The following SHISAL1 variants were observed in gnomAD, a reference collection of about 807,000 sequenced individuals.
The protein encoded by SHISAL1 is shisa like 1.
Under a neutral mutation model 22.6 loss-of-function variants are expected in SHISAL1, and 9 were observed. The observed-to-expected ratio is 0.40, with a 90% CI of 0.24 to 0.70. The LOEUF is 0.70. Ranked by LOEUF, SHISAL1 falls within the 30% of genes least tolerant of loss-of-function variation. The pLI, the probability that SHISAL1 is intolerant of heterozygous loss-of-function variation, is 0.39. For missense variants in SHISAL1, 246 were observed against 270.6 expected (o/e 0.91, Z 0.64); for synonymous variants, 119 against 115.4 (o/e 1.03, Z -0.20).
chr22:44,264,127 C>T (rs1455434711), intron 4 of SHISAL1, among the ~76,000 whole-genome samples: 1 of 152,220 alleles, frequency 6.6e-6, no homozygotes, highest in Non-Finnish European at 1.5e-5. Context: ...AAGATGGGAA[C>T]CTTCATCTTT....
At position 44,249,643 on chromosome 22, in the gene SHISAL1, C is replaced by T; in HGVS notation, c.*42G>A. The stretch of plus-strand genomic sequence containing the variant: ...TTCTCGGAGGCTGCACCGGGTGCTT[C>T]AGATCTCATCTCCCCCATCCTGAGG... On this transcript the variant is annotated 3_prime_UTR_variant, in exon 5 of 5. Transcript: ENST00000381176. 1 of 779,826 alleles carries T rather than the reference C, an allele frequency of 1.3e-6. No homozygotes were observed. Among genetic ancestry groups the T allele is most frequent in the Non-Finnish European group, 2.4e-6 (1 of 417,904 alleles). 48.3% of individuals were successfully genotyped at this position (779,826 alleles called of 1,614,324 possible).
At chr22:44,323,590 A>C in the SHISAL1 span, among the ~76,000 whole-genome samples, 1 of 135,142 alleles carries the variant, frequency 7.4e-6, no homozygotes, top group Non-Finnish European at 1.6e-5. Context: ...CACCTCACCC[A>C]CCCATTCATT....
the SHISAL1 span, among the ~76,000 whole-genome samples, chr22:44,327,240 GCACACA>G: frequency 0.18 from 26,455 of 144,666 alleles, 2,631 homozygotes; most frequent in South Asian, 0.24. Flanking sequence ...TGGGGGGCGC[GCACACA>G]CACACACACA....
intron 4 of SHISAL1, among the ~76,000 whole-genome samples, chr22:44,276,836 T>G (rs1601788364): frequency 6.9e-6 from 1 of 144,014 alleles, no homozygotes; most frequent in African/African-American, 2.8e-5. Flanking sequence ...CAGGGGTGGG[T>G]GGAAATGAGA....
At chr22:44,255,709 C>T (rs557264069) in intron 4 of SHISAL1, among the ~76,000 whole-genome samples, 1 of 152,330 alleles carries the variant, frequency 6.6e-6, no homozygotes, top group South Asian at 2.1e-4. Flanking sequence ...ATTACATCAC[C>T]CCTTTCCTCA....
At chr22:44,259,395 G>T (rs934913837) in intron 4 of SHISAL1, among the ~76,000 whole-genome samples, 1 of 151,520 alleles carries the variant, frequency 6.6e-6, no homozygotes, top group African/African-American at 2.4e-5. Flanking sequence ...CCGATATCGC[G>T]CCACTGCACT....
intron 4 of SHISAL1, among the ~76,000 whole-genome samples, chr22:44,258,385 G>C (rs1261328327): frequency 6.6e-6 from 1 of 152,178 alleles, no homozygotes; most frequent in African/African-American, 2.4e-5. Context: ...GTGTGTCATG[G>C]GGGTTTGTTG....
chr22:44,250,175 G>C (rs2055037729), intron 4 of SHISAL1, among the ~76,000 whole-genome samples: 1 of 152,302 alleles, frequency 6.6e-6, no homozygotes, highest in African/African-American at 2.4e-5. Context: ...AATTTTTAAT[G>C]TTGTTCCCCT....
chr22:44,289,691 C>A (rs938731507), intron 3 of SHISAL1, among the ~76,000 whole-genome samples: 4 of 152,222 alleles, frequency 2.6e-5, no homozygotes, highest in Non-Finnish European at 4.4e-5. Flanking sequence ...AGGCCATGGG[C>A]ACTATGCTGA....
chr22:44,274,340 G>A (rs192813343), intron 4 of SHISAL1, among the ~76,000 whole-genome samples: 32 of 152,240 alleles, frequency 2.1e-4, no homozygotes, highest in Admixed American at 8.5e-4. Flanking sequence ...CACTGCACCA[G>A]CCCTTTGGGA....
intron 3 of SHISAL1, among the ~76,000 whole-genome samples, chr22:44,294,409 G>C (rs769647373): frequency 6.6e-6 from 1 of 152,140 alleles, no homozygotes; most frequent in African/African-American, 2.4e-5. Context: ...GACAGAGATC[G>C]AGGCTCACAC....
chr22:44,318,434 G>C, the SHISAL1 span, among the ~76,000 whole-genome samples: 1 of 152,258 alleles, frequency 6.6e-6, no homozygotes, highest in African/African-American at 2.4e-5. Flanking sequence ...CAGAATGCCA[G>C]GGGGAAGCGG....
intron 1 of SHISAL1, among the ~76,000 whole-genome samples, chr22:44,306,989 G>C (rs892380014): frequency 2.0e-5 from 3 of 152,076 alleles, no homozygotes; most frequent in Non-Finnish European, 4.4e-5. Flanking sequence ...CTGTGATGAC[G>C]ATGGCGTGTG....
chr22:44,300,986 T>A lies in SHISAL1; in HGVS notation c.-32-9A>T. The A allele has an allele frequency of 6.3e-7, 1 of 1,593,420 alleles. No individual in the cohort carries two copies. Among genetic ancestry groups the A allele is most frequent in the Non-Finnish European group, 8.6e-7 (1 of 1,162,128 alleles). ...GATCCGTCCAGAGCTGCCTGTTCAA[T>A]GAGAGCCACGAGAGGCTGGGTGTGG... On this transcript the variant is annotated splice_polypyrimidine_tract_variant and intron_variant, in intron 1 of 4. Transcript: ENST00000381176.
chr22:44,285,355 G>C, intron 4 of SHISAL1, 73 bp downstream of exon 4: 1 of 1,473,394 alleles, frequency 6.8e-7, no homozygotes, highest in Non-Finnish European at 9.4e-7. Flanking sequence ...TATGGCGAGA[G>C]TGATGGCGTA....
chr22:44,259,473 T>TA (rs35901732), intron 4 of SHISAL1, among the ~76,000 whole-genome samples: 21,594 of 141,950 alleles, frequency 0.15, 1,972 homozygotes, highest in African/African-American at 0.27. Context: ...TAAAAATTAT[T>TA]AAAAAAAAAA....
Position 44,246,703 on chromosome 22 carries a change from G to A in SHISAL1, c.*2982C>T, listed in dbSNP as rs1186143172. 6.6e-6 allele frequency: 1 copy of A among 152,242 alleles called. No individual in the cohort carries two copies. The highest frequency in any genetic ancestry group is 2.4e-5 in the African/African-American group (1 of 41,440). 9.4% of individuals were successfully genotyped at this position (152,242 alleles called of 1,614,324 possible). A position where few individuals can be genotyped will look rare whatever the true frequency, so the allele number is the denominator to read the frequency against. ...GAGTGTTCACACCCACATGCACACT[G>A]TTCTCACCTGTCGGCTCCTCTGTGA... On this transcript the variant is annotated 3_prime_UTR_variant, in exon 5 of 5. Coordinates refer to ENST00000381176, the MANE Select transcript of SHISAL1 (RefSeq NM_001099294.2).
intron 4 of SHISAL1, among the ~76,000 whole-genome samples, chr22:44,269,901 T>C (rs561974442): frequency 6.6e-6 from 1 of 152,300 alleles, no homozygotes; most frequent in African/African-American, 2.4e-5. Flanking sequence ...GCACTGTCCT[T>C]CCTGGTCAGC....
intron 2 of SHISAL1, among the ~76,000 whole-genome samples, chr22:44,298,483 G>A (rs2055403089): frequency 6.6e-6 from 1 of 152,258 alleles, no homozygotes; most frequent in Non-Finnish European, 1.5e-5. Context: ...GGGCCCACTG[G>A]CCTAGCGGCA....
Sources: allele counts gnomAD v4.1 joint callset (sites outside exome capture counted in the v4.1 genomes callset), GRCh38; gene constraint gnomAD v4.1.1; transcripts MANE v1.5; gene names NCBI Gene and HGNC (gene_info 2026-07-23, HGNC 2026-07-21).